Variants in NRXN3 observed in about 807,000 individuals in gnomAD.
NRXN3 encodes the protein neurexin III.
A neutral mutation model predicts 137.6 loss-of-function variants in NRXN3; 32 were observed. That is an observed-to-expected ratio of 0.23 (90% CI 0.18 to 0.31). The LOEUF is 0.31. Ranked by LOEUF, NRXN3 falls within the 10% of genes least tolerant of loss-of-function variation. The pLI, the probability that NRXN3 is intolerant of heterozygous loss-of-function variation, is 1.00. For missense variants in NRXN3, 1,574 were observed against 2,062.5 expected, an observed-to-expected ratio of 0.76 and a Z score of 4.59; for synonymous variants, 798 against 784.5, an observed-to-expected ratio of 1.02 and a Z score of -0.29.
At chr14:79,044,952 A>G (rs1320167465) in intron 15 of NRXN3, among the ~76,000 whole-genome samples, 2 of 152,198 alleles carry the variant, frequency 1.3e-5, no homozygotes, top group Non-Finnish European at 2.9e-5. Flanking sequence ...CCATGCACCA[A>G]TGAGAAAATG....
intron 4 of NRXN3, among the ~76,000 whole-genome samples, chr14:78,521,268 T>C (rs1182220443): frequency 6.6e-6 from 1 of 152,168 alleles, no homozygotes; most frequent in African/African-American, 2.4e-5. Flanking sequence ...AATTAGAAAA[T>C]AATTGCTGTT....
chr14:79,662,654 A>C (rs889415338), intron 16 of NRXN3, among the ~76,000 whole-genome samples: 21 of 152,120 alleles, frequency 1.4e-4, no homozygotes, highest in African/African-American at 5.1e-4. Flanking sequence ...TGCAGGATGT[A>C]TAGGAAGCAT....
chr14:79,587,661 C>G (rs1009600752), intron 16 of NRXN3, among the ~76,000 whole-genome samples: 4 of 152,172 alleles, frequency 2.6e-5, no homozygotes, highest in African/African-American at 9.7e-5. Context: ...GGTAGAAATG[C>G]TGTGTGTGTA....
chr14:78,541,489 CT>C (rs930832164), intron 4 of NRXN3, among the ~76,000 whole-genome samples: 1 of 152,158 alleles, frequency 6.6e-6, no homozygotes, highest in African/African-American at 2.4e-5. Context: ...TCTTCTCTCA[CT>C]GTTTGTTCTA....
At chr14:79,478,044 G>T (rs1439662419) in intron 16 of NRXN3, among the ~76,000 whole-genome samples, 1 of 151,946 alleles carries the variant, frequency 6.6e-6, no homozygotes, top group African/African-American at 2.4e-5. Flanking sequence ...TCAGAGGAGA[G>T]ATAAGGGCTA....
At position 79,720,125 on chromosome 14, in the gene NRXN3, T is replaced by TG. The variant is rs1291188699; in HGVS notation, c.4014+22190dup. Among the ~76,000 whole-genome samples, 3 of 152,154 alleles carry TG rather than the reference T, an allele frequency of 2.0e-5. No homozygotes were observed. In the East Asian group the frequency reaches 5.8e-4, roughly 29 times the overall value. On this transcript the variant is annotated intron_variant, in intron 19 of 20. Coordinates refer to ENST00000335750, the MANE Select transcript of NRXN3 (RefSeq NM_001330195.2). The stretch of plus-strand genomic sequence containing the variant: ...GGTTTAATAGACTCAGAGTTCCACA[T>TG]GGCTAGGGAGGCCTCACAATCATGG...
At chr14:79,291,917 T>G (rs892507468) in intron 15 of NRXN3, among the ~76,000 whole-genome samples, 2 of 152,072 alleles carry the variant, frequency 1.3e-5, no homozygotes, top group Non-Finnish European at 2.9e-5. Context: ...GGTAAACACC[T>G]ACCTCATATG....
Position 78,296,855 on chromosome 14 carries a change from A to AT in NRXN3, c.728-972dup, listed in dbSNP as rs1248919353. Among the ~76,000 whole-genome samples, 3 of 152,026 alleles carry AT rather than the reference A, an allele frequency of 2.0e-5. No homozygotes were observed. The East Asian group carries it at 5.8e-4, about 29-fold the overall frequency. On this transcript the variant is annotated intron_variant, in intron 3 of 20. Transcript: ENST00000335750. ...CTTTATTAATCCCCTATATCCCTGA[A>AT]TTTTGCTCAGAGTAAGGTTCTCTGG... is the stretch of plus-strand genomic sequence containing the variant.
intron 15 of NRXN3, among the ~76,000 whole-genome samples, chr14:79,252,239 A>C (rs2076037181): frequency 6.6e-6 from 1 of 152,218 alleles, no homozygotes; most frequent in South Asian, 2.1e-4. Flanking sequence ...ACACTAATGC[A>C]TAATAACCAG....
chr14:79,840,184 C>G (rs1424298589), intron 20 of NRXN3, among the ~76,000 whole-genome samples: 1 of 152,084 alleles, frequency 6.6e-6, no homozygotes, highest in African/African-American at 2.4e-5. Flanking sequence ...AAGGACCACT[C>G]TATAACTCTG....
intron 3 of NRXN3, among the ~76,000 whole-genome samples, chr14:78,279,399 T>A (rs12894554): frequency 0.071 from 10,817 of 152,306 alleles, 486 homozygotes; most frequent in Middle Eastern, 0.13. Context: ...TATGGATAAG[T>A]GTCAGATGAC....
intron 4 of NRXN3, among the ~76,000 whole-genome samples, chr14:78,415,772 A>G (rs1187954018): frequency 6.6e-6 from 1 of 152,102 alleles, no homozygotes; most frequent in African/African-American, 2.4e-5. Context: ...TGGAGCACTT[A>G]TGATGAAATT....
intron 15 of NRXN3, among the ~76,000 whole-genome samples, chr14:79,245,660 T>C (rs1029664597): frequency 2.0e-5 from 3 of 152,036 alleles, no homozygotes; most frequent in Admixed American, 1.3e-4. Context: ...CCCTAATAAA[T>C]AGAATAAAAT....
At chr14:79,747,834 G>T (rs2098984219) in intron 19 of NRXN3, among the ~76,000 whole-genome samples, 1 of 152,090 alleles carries the variant, frequency 6.6e-6, no homozygotes, top group Admixed American at 6.6e-5. Flanking sequence ...AACTTAGGTG[G>T]CTCGGTCATG....
intron 1 of NRXN3, among the ~76,000 whole-genome samples, chr14:78,233,343 A>G (rs967160151): frequency 6.6e-6 from 1 of 152,088 alleles, no homozygotes; most frequent in Non-Finnish European, 1.5e-5. Flanking sequence ...CTGACATCAG[A>G]TTTCTCTTCC....
At chr14:78,564,037 TTA>T (rs2096813397) in intron 4 of NRXN3, among the ~76,000 whole-genome samples, 4 of 152,220 alleles carry the variant, frequency 2.6e-5, no homozygotes, top group African/African-American at 9.6e-5. Flanking sequence ...CACATTTCAA[TTA>T]GGTATTCCAA....
rs368766598 is a variant in NRXN3, at chr14:78,263,719, A to G, written c.710-14926A>G. 6.9e-4 allele frequency among the ~76,000 whole-genome samples: 105 copies of G among 152,138 alleles called. 4 individuals carry two copies. The South Asian group carries it at 0.02, about 29-fold the overall frequency. On this transcript the variant is annotated intron_variant, in intron 2 of 20. Coordinates refer to ENST00000335750, the MANE Select transcript of NRXN3 (RefSeq NM_001330195.2). ...TACCGACACGGCTTCTACTATTGTG[A>G]ATGTTCTTTTGTGGCCATTATTTCT...
At chr14:79,078,351 C>T (rs1438129814) in intron 15 of NRXN3, among the ~76,000 whole-genome samples, 2 of 152,096 alleles carry the variant, frequency 1.3e-5, no homozygotes, top group African/African-American at 4.8e-5. Flanking sequence ...TGGTAGATAC[C>T]ATGTTTTCTA....
At chr14:78,223,873 T>C (rs2064147411) in intron 1 of NRXN3, among the ~76,000 whole-genome samples, 1 of 152,210 alleles carries the variant, frequency 6.6e-6, no homozygotes, top group South Asian at 2.1e-4. Context: ...TTTTGGATTA[T>C]ATATCTGGAT....
Sources: allele counts gnomAD v4.1 joint callset (sites outside exome capture counted in the v4.1 genomes callset), GRCh38; gene constraint gnomAD v4.1.1; transcripts MANE v1.5; gene names NCBI Gene and HGNC (gene_info 2026-07-23, HGNC 2026-07-21).